Variants in CACNG8 observed in about 807,000 individuals in gnomAD.
The protein encoded by CACNG8 is calcium voltage-gated channel auxiliary subunit gamma 8, also known as voltage-dependent calcium channel gamma-8 subunit.
In CACNG8, 5 loss-of-function variants were observed where a neutral mutation model predicts 26.9. The ratio of observed to expected loss-of-function variants is 0.19; its 90% confidence interval spans 0.10 to 0.39. CACNG8 has a LOEUF of 0.39. Among genes scored for constraint, CACNG8 ranks in the 10% least tolerant of loss-of-function variants. CACNG8 has a pLI of 1.00. For missense variants in CACNG8, 473 were observed against 609.4 expected (o/e 0.78, Z 2.36); for synonymous variants, 321 against 296.7 (o/e 1.08, Z -0.84).
In CACNG8 at chr19:53,982,661, G is replaced by A. The variant is rs1022218411; in HGVS notation, c.1090G>A (p.Gly364Ser). Residue 364 changes from glycine to serine, a missense_variant, in exon 4 of 4, where the codon GGC (glycine) becomes AGC (serine). By Grantham distance (56) the Gly-to-Ser change is moderately conservative. Coordinates refer to ENST00000270458, the MANE Select transcript of CACNG8 (RefSeq NM_031895.6). The surrounding 1 kb of genome is among the most constrained non-coding windows in gnomAD (Gnocchi z 8.4). The stretch of plus-strand genomic sequence containing the variant: ...CGAGCGGGACCGCGGGGGGGCGTCC[G>A]GCTTCCTCACGCTGCACAACGCCTT... 4.6e-6 allele frequency: 5 copies of A among 1,078,496 alleles called. No individual in the cohort carries two copies. The highest frequency in any genetic ancestry group is 5.6e-6 in the Non-Finnish European group (5 of 891,938). 66.8% of individuals were successfully genotyped at this position (1,078,496 alleles called of 1,614,324 possible).
intron 1 of CACNG8, among the ~76,000 whole-genome samples, chr19:53,967,767 G>A (rs1017889642): frequency 2.6e-5 from 4 of 152,130 alleles, no homozygotes; most frequent in Middle Eastern, 3.2e-3. Flanking sequence ...CCCAGGAGGT[G>A]GAGGTTGCAG....
At position 53,982,929 on chromosome 19, in the gene CACNG8, C is replaced by A; in HGVS notation, c.*80C>A. The A allele has an allele frequency of 9.9e-7, 1 of 1,007,716 alleles. No individual in the cohort carries two copies. Among genetic ancestry groups the A allele is most frequent in the Non-Finnish European group, 1.2e-6 (1 of 805,244 alleles). The allele number at this position is 1,007,716 out of a possible 1,614,324, so 62.4% of individuals were successfully genotyped here. A position where few individuals can be genotyped will look rare whatever the true frequency, so the allele number is the denominator to read the frequency against. On this transcript the variant is annotated 3_prime_UTR_variant, in exon 4 of 4. Transcript: ENST00000270458. The surrounding 1 kb of genome is among the most constrained non-coding windows in gnomAD (Gnocchi z 8.4). ...GCATCGAGGCTGCCGGGGTCGGGGG[C>A]GCCCCCGCTTTCCCCCGTGAGCGCG...
At chr19:53,979,262 A>G (rs572308929) in intron 2 of CACNG8, among the ~76,000 whole-genome samples, 7 of 144,316 alleles carry the variant, frequency 4.9e-5, no homozygotes, top group Non-Finnish European at 1.1e-4. Context: ...GAGAGGGGAG[A>G]CAGAGCCAGA....
chr19:53,964,245 G>A (rs1171514701), intron 1 of CACNG8, among the ~76,000 whole-genome samples: 2 of 131,504 alleles, frequency 1.5e-5, no homozygotes, highest in Admixed American at 8.0e-5. Context: ...TGCCTCTCCC[G>A]CCCCCTTTCA....
At chr19:53,969,635 A>G (rs1347865725) in intron 1 of CACNG8, among the ~76,000 whole-genome samples, 1 of 152,172 alleles carries the variant, frequency 6.6e-6, no homozygotes, top group Non-Finnish European at 1.5e-5. Context: ...CTTTCAGCCC[A>G]TCGGGGCTCC....
At chr19:53,979,333 G>A (rs576378974) in intron 2 of CACNG8, among the ~76,000 whole-genome samples, 56 of 151,930 alleles carry the variant, frequency 3.7e-4, no homozygotes, top group African/African-American at 1.2e-3. Context: ...AAGAAGGGAA[G>A]AGAAACTCAG....
intron 1 of CACNG8, among the ~76,000 whole-genome samples, chr19:53,975,258 A>C (rs979923794): frequency 1.3e-5 from 2 of 151,966 alleles, no homozygotes; most frequent in Non-Finnish European, 2.9e-5. Context: ...TATTTTGCTT[A>C]TTTTTAATAG....
At chr19:53,972,023 C>T (rs1323871500) in intron 1 of CACNG8, among the ~76,000 whole-genome samples, 1 of 152,132 alleles carries the variant, frequency 6.6e-6, no homozygotes, top group Non-Finnish European at 1.5e-5. Context: ...CTCTCTCTGT[C>T]CCCCAGGCTG....
rs2069429014 is a variant in CACNG8, at chr19:53,989,650, CG to C, written c.*6804del. The stretch of plus-strand genomic sequence containing the variant: ...GGGGCTGTGTTCTGACGGGGCCACG[CG>C]GGCATTGAGGAAACGCAGCAGGCCC... On this transcript the variant is annotated 3_prime_UTR_variant, in exon 4 of 4. Coordinates refer to ENST00000270458, the MANE Select transcript of CACNG8 (RefSeq NM_031895.6). The C allele has an allele frequency of 6.6e-6, 1 of 152,272 alleles. No individual in the cohort carries two copies. The highest frequency in any genetic ancestry group is 2.4e-5 in the African/African-American group (1 of 41,462). 9.4% of individuals were successfully genotyped at this position (152,272 alleles called of 1,614,324 possible).
intron 1 of CACNG8, among the ~76,000 whole-genome samples, chr19:53,964,081 G>A (rs920175006): frequency 6.6e-6 from 1 of 152,086 alleles, no homozygotes; most frequent in African/African-American, 2.4e-5. Context: ...TGAAGGGCAT[G>A]AGCCACTGCA....
chr19:53,979,214 G>GT (rs376003595), intron 2 of CACNG8, among the ~76,000 whole-genome samples: 28 of 138,734 alleles, frequency 2.0e-4, no homozygotes, highest in African/African-American at 6.5e-4. Context: ...GGTGGGGGGG[G>GT]ACCTATGAAG....
Position 53,980,017 on chromosome 19 carries a change from A to G in CACNG8, c.508+10A>G, listed in dbSNP as rs923330375. ...CTGTTCGTGGCAGCAGGTGAGAGGC[A>G]GAGGGAGGGGGCGACCGGGGCGGCC... On this transcript the variant is annotated intron_variant, in intron 3 of 3. Transcript: ENST00000270458. 1 of 1,602,924 alleles carries G rather than the reference A, an allele frequency of 6.2e-7. No individual in the cohort carries two copies. The highest frequency in any genetic ancestry group is 1.7e-5 in the Admixed American group (1 of 58,158).
chr19:53,973,455 G>C (rs995321123), intron 1 of CACNG8, among the ~76,000 whole-genome samples: 1 of 152,054 alleles, frequency 6.6e-6, no homozygotes, highest in Non-Finnish European at 1.5e-5. Flanking sequence ...CCTGGGAGGG[G>C]GAGTTTGCAG....
intron 1 of CACNG8, among the ~76,000 whole-genome samples, chr19:53,965,983 C>A: frequency 6.6e-6 from 1 of 152,020 alleles, no homozygotes; most frequent in African/African-American, 2.4e-5. Flanking sequence ...GTGAGGTCAG[C>A]GTGGCCGGGG....
intron 1 of CACNG8, among the ~76,000 whole-genome samples, chr19:53,971,985 C>G (rs1030537197): frequency 6.6e-6 from 1 of 152,098 alleles, no homozygotes; most frequent in Non-Finnish European, 1.5e-5. Context: ...GAATTCTGTG[C>G]CTAACTTCCT....
chr19:53,970,969 A>C (rs1433986177), intron 1 of CACNG8, among the ~76,000 whole-genome samples: 3 of 151,036 alleles, frequency 2.0e-5, no homozygotes, highest in African/African-American at 7.3e-5. Flanking sequence ...AAAGAAAAAA[A>C]GAAATATAAC....
intron 3 of CACNG8, 131 bp from the exon 4 acceptor site, chr19:53,981,949 C>G: frequency 1.0e-6 from 1 of 986,858 alleles, no homozygotes; most frequent in African/African-American, 1.8e-5. Flanking sequence ...GTCTAGACCA[C>G]TCGGGGTGGG....
In CACNG8 at chr19:53,982,420, G is replaced by A; in HGVS notation, c.849G>A (p.Pro283=). 2.0e-6 allele frequency: 3 copies of A among 1,520,410 alleles called. No homozygotes were observed. Among genetic ancestry groups the A allele is most frequent in the South Asian group, 1.2e-5 (1 of 82,238 alleles). 94.2% of individuals were successfully genotyped at this position (1,520,410 alleles called of 1,614,324 possible). Reference sequence around the variant, plus strand: ...GCTCTAGCTCCCGCTCCAGCGAGCCGTCGCCGTCGCGGGACGCGTCTCCCG... The same window carrying A: ...GCTCTAGCTCCCGCTCCAGCGAGCCATCGCCGTCGCGGGACGCGTCTCCCG... The change falls in exon 4 of 4, where the codon CCG becomes CCA. Residue 283 remains proline, a synonymous_variant. Coordinates refer to ENST00000270458, the MANE Select transcript of CACNG8 (RefSeq NM_031895.6). The surrounding 1 kb of genome is among the most constrained non-coding windows in gnomAD (Gnocchi z 8.4).
rs757136397 is a variant in CACNG8, at chr19:53,982,135, G to A, written c.564G>A (p.Pro188=). 6.2e-7 allele frequency: 1 copy of A among 1,610,724 alleles called. No homozygotes were observed. Among genetic ancestry groups the A allele is most frequent in the African/African-American group, 1.3e-5 (1 of 74,828 alleles). Residue 188 remains proline (P), a synonymous_variant, in exon 4 of 4, where the codon CCG becomes CCA. Transcript: ENST00000270458. This position sits in a 1 kb window ranked among gnomAD's most constrained non-coding sequence, Gnocchi z 8.4. ...ACATCTCCGCCAACGCGGGCGAGCC[G>A]GGCCCGAAGCGGGACGAGGAGAAGA... is the stretch of plus-strand genomic sequence containing the variant.
Sources: allele counts gnomAD v4.1 joint callset (sites outside exome capture counted in the v4.1 genomes callset), GRCh38; gene constraint gnomAD v4.1.1; non-coding constraint Gnocchi (gnomAD v3.1); transcripts MANE v1.5; gene names NCBI Gene and HGNC (gene_info 2026-07-23, HGNC 2026-07-21).